The following TGFBI variants were observed in gnomAD, a reference collection of about 807,000 sequenced individuals.
TGFBI encodes the protein transforming growth factor-beta-induced protein ig-h3.
TGFBI carries 50 observed loss-of-function variants against 73.7 expected under a neutral mutation model. That is an observed-to-expected ratio of 0.68 (90% CI 0.54 to 0.86). The LOEUF (loss-of-function observed/expected upper bound fraction) is 0.86, where lower values mean the gene tolerates loss of function less well. TGFBI is among the 40% of genes least tolerant of loss of function. TGFBI has a pLI of 0.00. For synonymous variants in TGFBI, 362 were observed against 360.5 expected, an observed-to-expected ratio of 1.00 and a Z score of -0.05; for missense variants, 839 against 877.0, an observed-to-expected ratio of 0.96 and a Z score of 0.55.
chr5:136,054,759 G>A lies in TGFBI; in HGVS notation c.1308G>A (p.Arg436=), dbSNP rs764020370. 4.3e-6 allele frequency: 7 copies of A among 1,613,890 alleles called. No homozygotes were observed. Among genetic ancestry groups the A allele is most frequent in the Non-Finnish European group, 5.9e-6 (7 of 1,179,870 alleles). ...PIDAHTRNLL[R]NHIIKDQLAS... ...ATGCCCATACAAGGAATTTGCTTCG[G>A]AACCACATAATTAAAGACCAGCTGG... The change falls in exon 10 of 17, where the codon CGG becomes CGA. Residue 436 remains arginine (R), a synonymous_variant. Coordinates refer to ENST00000442011, the MANE Select transcript of TGFBI (RefSeq NM_000358.3).
At chr5:136,045,805 G>C (rs74709698) in intron 3 of TGFBI, 2,935 of 152,144 alleles carry the variant, frequency 0.019, 88 homozygotes, top group East Asian at 0.083. Context: ...TTTGGTCTAA[G>C]AAACAAAAAA....
chr5:136,051,836 C>G (rs992507040), intron 7 of TGFBI, among the ~76,000 whole-genome samples: 3 of 152,246 alleles, frequency 2.0e-5, no homozygotes, highest in Admixed American at 6.5e-5. Context: ...CCTTCTCACC[C>G]TTTTTCTTTC....
chr5:136,053,682 C>A (rs1375199204), intron 8 of TGFBI, among the ~76,000 whole-genome samples: 1 of 152,226 alleles, frequency 6.6e-6, no homozygotes, highest in Non-Finnish European at 1.5e-5. Context: ...TGTGCCCTGA[C>A]CAAGCAGCCC....
intron 2 of TGFBI, among the ~76,000 whole-genome samples, chr5:136,040,429 T>C (rs921650988): frequency 4.6e-5 from 7 of 152,206 alleles, no homozygotes; most frequent in South Asian, 2.1e-4. Flanking sequence ...TAGATTCTCA[T>C]AGCAGTCCGA....
rs1751229577 is a variant in TGFBI, at chr5:136,036,762, G to A, written c.233+2901G>A. The stretch of plus-strand genomic sequence containing the variant: ...AAATGGGAGCACAGTAGTGGTTGGG[G>A]CAAAAAGGACTGTCTCTGCATGAGG... On this transcript the variant is annotated intron_variant, in intron 2 of 16. Coordinates refer to ENST00000442011, the MANE Select transcript of TGFBI (RefSeq NM_000358.3). Among the ~76,000 whole-genome samples, 6 of 152,128 alleles carry A rather than the reference G, an allele frequency of 3.9e-5. No individual in the cohort carries two copies. The South Asian group carries it at 1.2e-3, about 32-fold the overall frequency.
rs754630126 is a variant in TGFBI at position 136,063,244 on chromosome 5, G to T, written c.*18G>T. 1.2e-6 allele frequency: 2 copies of T among 1,611,232 alleles called. No homozygotes were observed. Among genetic ancestry groups the T allele is most frequent in the South Asian group, 2.2e-5 (2 of 90,834 alleles). ...AGCATTAGCTTGAAGCACTACAGGA[G>T]GAATGCACCACGGCAGCTCTCCGCC... On this transcript the variant is annotated 3_prime_UTR_variant, in exon 17 of 17. Coordinates refer to ENST00000442011, the MANE Select transcript of TGFBI (RefSeq NM_000358.3).
Position 136,047,382 on chromosome 5 carries a change from C to T in TGFBI, c.733C>T (p.Gln245Ter), listed in dbSNP as rs1378970890. The T allele has an allele frequency of 6.2e-7, 1 of 1,613,892 alleles. No individual in the cohort carries two copies. The highest frequency in any genetic ancestry group is 2.2e-5 in the East Asian group (1 of 44,830). The change falls in exon 6 of 17, where the codon CAG (glutamine) becomes TAG (stop). Residue 245 changes from glutamine to a stop codon, truncating the protein, a stop_gained. Coordinates refer to ENST00000442011, the MANE Select transcript of TGFBI (RefSeq NM_000358.3). LOFTEE classifies it high-confidence loss of function. Reference protein sequence around the residue: ...VISTITNNIQQIIEIEDTFET... With the variant: ...VISTITNNIQ ...CTCCACCATCACCAACAACATCCAG[C>T]AGATCATTGAGATCGAGGACACCTT...
chr5:136,053,250 G>T, intron 8 of TGFBI, 131 bp downstream of exon 8: 1 of 810,504 alleles, frequency 1.2e-6, no homozygotes, highest in Admixed American at 2.2e-5. Flanking sequence ...ACAGCTTCTC[G>T]GCCACTGCAA....
In TGFBI at chr5:136,054,702, AC is replaced by A. The variant is rs1390357787; in HGVS notation, c.1265-11del. The A allele has an allele frequency of 6.2e-7, 1 of 1,613,660 alleles. No homozygotes were observed. The highest frequency in any genetic ancestry group is 8.5e-7 in the Non-Finnish European group (1 of 1,179,844). ...GCACATCTCTCTGGACCTAACCATCACCCTTTCTTGTAGATGGAACCCCTCC... is the reference window on the plus strand; with the variant it reads ...GCACATCTCTCTGGACCTAACCATCACCTTTCTTGTAGATGGAACCCCTCC... On this transcript the variant is annotated splice_polypyrimidine_tract_variant and intron_variant, in intron 9 of 16. Coordinates refer to ENST00000442011, the MANE Select transcript of TGFBI (RefSeq NM_000358.3).
intron 1 of TGFBI, among the ~76,000 whole-genome samples, chr5:136,031,979 C>T (rs747385511): frequency 8.5e-5 from 13 of 152,138 alleles, no homozygotes; most frequent in Non-Finnish European, 1.2e-4. Flanking sequence ...CAAACGCCTA[C>T]GGAAAGTGGC....
chr5:136,063,083 C>A, intron 16 of TGFBI, 103 bp from the exon 17 acceptor site: 2 of 1,034,296 alleles, frequency 1.9e-6, no homozygotes, highest in South Asian at 1.4e-5. Context: ...GAGAGCATGG[C>A]AGAAGGAGGC....
chr5:136,030,829 C>T (rs570090861), intron 1 of TGFBI, among the ~76,000 whole-genome samples: 7 of 152,190 alleles, frequency 4.6e-5, no homozygotes, highest in Non-Finnish European at 7.4e-5. Context: ...TATAGCATGC[C>T]CTGCAACAGT....
chr5:136,049,180 G>A, intron 6 of TGFBI: 1 of 438,636 alleles, frequency 2.3e-6, no homozygotes, highest in East Asian at 3.6e-5. Context: ...AGAGAGGACA[G>A]CAGGGACAAG....
intron 1 of TGFBI, among the ~76,000 whole-genome samples, chr5:136,031,513 A>T (rs1301645855): frequency 6.6e-6 from 1 of 152,232 alleles, no homozygotes; most frequent in Non-Finnish European, 1.5e-5. Context: ...ATTTTACAGG[A>T]GGTGAAACTG....
At chr5:136,034,235 A>G (rs935156467) in intron 2 of TGFBI, among the ~76,000 whole-genome samples, 1 of 152,120 alleles carries the variant, frequency 6.6e-6, no homozygotes, top group African/African-American at 2.4e-5. Context: ...AATCTGTACT[A>G]AAGAATGCCA....
chr5:136,046,859 G>A lies in TGFBI; in HGVS notation c.468G>A (p.Leu156=), dbSNP rs1751438234. 2 of 1,613,146 alleles carry A rather than the reference G, an allele frequency of 1.2e-6. No homozygotes were observed. The highest frequency in any genetic ancestry group is 1.7e-6 in the Non-Finnish European group (2 of 1,179,480). The part of the protein sequence containing the change: ...EAWASLPAEV[L]DSLVSNVNIE... ...CCTGTCCTTCCTCCTAGGAAGTGCT[G>A]GACTCCCTGGTCAGCAATGTCAACA... The change falls in exon 5 of 17, where the codon CTG becomes CTA. Residue 156 remains leucine (L), a synonymous_variant. Transcript: ENST00000442011.
intron 7 of TGFBI, among the ~76,000 whole-genome samples, chr5:136,050,246 C>T (rs1029306621): frequency 7.3e-5 from 11 of 151,644 alleles, no homozygotes; most frequent in African/African-American, 2.7e-4. Context: ...GCAGGAGAAC[C>T]ACTTGAACCC....
chr5:136,041,244 C>T (rs758864783), intron 2 of TGFBI, among the ~76,000 whole-genome samples: 2 of 152,212 alleles, frequency 1.3e-5, no homozygotes, highest in East Asian at 1.9e-4. Flanking sequence ...GAGAGAGCTT[C>T]CTGGCTGAAA....
intron 16 of TGFBI, 35 bp downstream of exon 16, chr5:136,062,722 C>G: frequency 6.4e-7 from 1 of 1,558,114 alleles, no homozygotes; most frequent in Middle Eastern, 1.8e-4. Context: ...CATTGCAGAC[C>G]TGTTTAGGCC....
Sources: allele counts gnomAD v4.1 joint callset (sites outside exome capture counted in the v4.1 genomes callset), GRCh38; gene constraint gnomAD v4.1.1; transcripts MANE v1.5; gene names NCBI Gene and HGNC (gene_info 2026-07-23, HGNC 2026-07-21).